THBS3: variants seen among roughly 807,000 people sequenced by gnomAD.
The protein encoded by THBS3 is thrombospondin 3.
Under a neutral mutation model 118.3 loss-of-function variants are expected in THBS3, and 78 were observed. That is an observed-to-expected ratio of 0.66 (90% CI 0.55 to 0.80). THBS3 has a LOEUF of 0.80. Ranked by LOEUF, THBS3 falls within the 30% of genes least tolerant of loss-of-function variation. The pLI, the probability that THBS3 is intolerant of heterozygous loss-of-function variation, is 0.00. For missense variants in THBS3, 1,057 were observed against 1,247.4 expected, an observed-to-expected ratio of 0.85 and a Z score of 2.30; for synonymous variants, 427 against 475.3, an observed-to-expected ratio of 0.90 and a Z score of 1.32.
At chr1:155,198,262 C>T (rs375034945) in intron 17 of THBS3, 42 bp from the exon 18 acceptor site, 1 of 1,608,310 alleles carries the variant, frequency 6.2e-7, no homozygotes, top group Non-Finnish European at 8.5e-7. Context: ...GCCCTGGCCA[C>T]TGCCATTAGG....
chr1:155,199,000 A>G (rs927695441), intron 16 of THBS3, among the ~76,000 whole-genome samples: 1 of 152,010 alleles, frequency 6.6e-6, no homozygotes, highest in African/African-American at 2.4e-5. Flanking sequence ...CGCGCCTGTA[A>G]TCCCAGCTAC....
Position 155,205,121 on chromosome 1 carries a change from G to A in THBS3, c.482C>T (p.Pro161Leu). 3 of 1,614,198 alleles carry A rather than the reference G, an allele frequency of 1.9e-6. No homozygotes were observed. The highest frequency in any genetic ancestry group is 2.5e-6 in the Non-Finnish European group (3 of 1,180,050). Residue 161 changes from proline (P) to leucine (L), a missense_variant, in exon 3 of 23, where the codon CCT becomes CTT. Physicochemically the swap from Pro to Leu is moderately conservative, Grantham distance 98. Around this residue, in one of 3 missense-constraint regions of THBS3, gnomAD observed 206 missense variants for 205.7 expected, o/e 1.00. Transcript: ENST00000368378. The stretch of plus-strand genomic sequence containing the variant: ...CTCCAGCCCATCGACCTCCGCTGGA[G>A]GAATGGGGGCCAGTGCTGGAAGGCC... The part of the protein sequence containing the change: ...HAGLPALAPI[P>L]PAEVDGLEIR...
chr1:155,202,991 G>A lies in THBS3; in HGVS notation c.809-31C>T. On this transcript the variant is annotated intron_variant, in intron 7 of 22. Transcript: ENST00000368378. This position sits in a 1 kb window ranked among gnomAD's most constrained non-coding sequence, Gnocchi z 5.5. ...GGGTGGACACAGTCAGAGCTACCCG[G>A]TGGTCACTATTTAAGCCACCAGAAG... 1.2e-6 allele frequency: 2 copies of A among 1,613,818 alleles called. No homozygotes were observed. The highest frequency in any genetic ancestry group is 1.3e-5 in the African/African-American group (1 of 75,030).
Position 155,206,008 on chromosome 1 carries a change from T to C in THBS3, c.286+192A>G, listed in dbSNP as rs148823194. ...TATCAGGACTCAAGCCTCACCCTAT[T>C]GTTTGGTACATGGGCTCCTAAAGCA... On this transcript the variant is annotated intron_variant, in intron 2 of 22. Coordinates refer to ENST00000368378, the MANE Select transcript of THBS3 (RefSeq NM_007112.5). The surrounding 1 kb of genome is among the most constrained non-coding windows in gnomAD (Gnocchi z 4.2). 6.7e-3 allele frequency among the ~76,000 whole-genome samples: 1,013 copies of C among 152,242 alleles called. 5 individuals carry two copies. Among genetic ancestry groups the C allele is most frequent in the African/African-American group, 0.023 (953 of 41,538 alleles).
rs150766484 is a variant in THBS3 at position 155,198,444 on chromosome 1, C to A, written c.2039G>T (p.Arg680Leu). Residue 680 changes from arginine to leucine, a missense_variant, in exon 17 of 23, where the codon CGC (arginine) becomes CTC (leucine). By Grantham distance (102) the Arg-to-Leu change is moderately radical (BLOSUM62 -2). Transcript: ENST00000368378. ...DYVPPGPDNC[R>L]LVPNPNQKDS... ...CTTCTGATTGGGATTGGGTACCAGG[C>A]GGCAGTTATCGGGACCAGGAGGCAC... 1.2e-6 allele frequency: 2 copies of A among 1,613,964 alleles called. No homozygotes were observed. The highest frequency in any genetic ancestry group is 8.5e-7 in the Non-Finnish European group (1 of 1,180,018).
chr1:155,197,139 C>G lies in THBS3; in HGVS notation c.2574G>C (p.Gln858His), dbSNP rs1291444221. The G allele has an allele frequency of 1.2e-6, 2 of 1,614,114 alleles. No homozygotes were observed. The highest frequency in any genetic ancestry group is 1.3e-5 in the African/African-American group (1 of 74,956). The stretch of plus-strand genomic sequence containing the variant: ...GTGGGTCTGTCCACAGCAGTCGTAC[C>G]TGATCAGGGGTGTGGCCAGTATGCC... The part of the protein sequence containing the change: ...ALWHTGHTPD[Q>H]VRLLWTDPRN... Residue 858 changes from glutamine to histidine, a missense_variant, in exon 21 of 23, where the codon CAG becomes CAC. Transcript: ENST00000368378. The surrounding 1 kb of genome is among the most constrained non-coding windows in gnomAD (Gnocchi z 5.0).
rs771057888 is a variant in THBS3, at chr1:155,200,074, T to C, written c.1748A>G (p.Asn583Ser). Reference sequence around the variant, plus strand: ...CTCATCCCTGTCTGTCTGTAGTGGGTTGGGGACTTTAGGGCAATTGTCCAA... The same window carrying C: ...CTCATCCCTGTCTGTCTGTAGTGGGCTGGGGACTTTAGGGCAATTGTCCAA... ...NGLDNCPKVP[N>S]PLQTDRDEDG... The change falls in exon 15 of 23, where the codon AAC becomes AGC. Residue 583 changes from asparagine (N) to serine (S), a missense_variant. Physicochemically the swap from Asn to Ser is conservative, Grantham distance 46. Around this residue, in one of 3 missense-constraint regions of THBS3, gnomAD observed 544 missense variants for 715.6 expected, o/e 0.76. Coordinates refer to ENST00000368378, the MANE Select transcript of THBS3 (RefSeq NM_007112.5). 2.5e-5 allele frequency: 40 copies of C among 1,595,034 alleles called. No homozygotes were observed. Among genetic ancestry groups the C allele is most frequent in the Non-Finnish European group, 3.2e-5 (37 of 1,170,682 alleles).
chr1:155,207,958 G>A, upstream of THBS3: 7 of 1,186,092 alleles, frequency 5.9e-6, no homozygotes, highest in Non-Finnish European at 8.0e-6. Flanking sequence ...GAGCCGGGGG[G>A]CGGAGGGACA....
At chr1:155,205,416 CT>C (rs1670408356) in intron 2 of THBS3, 100 bp from the exon 3 acceptor site, 12 of 1,479,140 alleles carry the variant, frequency 8.1e-6, no homozygotes, top group Non-Finnish European at 1.1e-5. Context: ...TCTAGGGCCC[CT>C]ATCCCTAATT....
intron 21 of THBS3, 105 bp from the exon 22 acceptor site, chr1:155,196,231 A>C: frequency 2.3e-5 from 31 of 1,342,264 alleles, no homozygotes; most frequent in East Asian, 7.0e-5. Flanking sequence ...CCTTGAGCTC[A>C]CCAGGCCTGA....
Position 155,198,577 on chromosome 1 carries a change from T to C in THBS3, c.1906A>G (p.Lys636Glu). 1 of 1,614,158 alleles carries C rather than the reference T, an allele frequency of 6.2e-7. No individual in the cohort carries two copies. Among genetic ancestry groups the C allele is most frequent in the Non-Finnish European group, 8.5e-7 (1 of 1,180,004 alleles). ...DSDGDGHQDTKDNCPQLPNSS... is the reference protein window; with the variant it reads ...DSDGDGHQDTEDNCPQLPNSS... ...TTTGGCAGCTGTGGGCAGTTGTCCTTGGTGTCCTGATGCCCATCCCCATCG... is the reference window on the plus strand; with the variant it reads ...TTTGGCAGCTGTGGGCAGTTGTCCTCGGTGTCCTGATGCCCATCCCCATCG... The change falls in exon 17 of 23, where the codon AAG becomes GAG. Residue 636 changes from lysine to glutamate, a missense_variant. Transcript: ENST00000368378.
In THBS3 at chr1:155,198,550, T is replaced by C; in HGVS notation, c.1933A>G (p.Ser645Gly). ...TCGTTATCAGAGTCCAGCTGGGAGC[T>C]ATTTGGCAGCTGTGGGCAGTTGTCC... is the stretch of plus-strand genomic sequence containing the variant. ...TKDNCPQLPN[S>G]SQLDSDNDGL... The change falls in exon 17 of 23, where the codon AGC (serine) becomes GGC (glycine). Residue 645 changes from serine (S) to glycine (G), a missense_variant. Transcript: ENST00000368378. 1 of 1,614,220 alleles carries C rather than the reference T, an allele frequency of 6.2e-7. No homozygotes were observed. The highest frequency in any genetic ancestry group is 1.7e-5 in the Admixed American group (1 of 60,024).
Position 155,206,126 on chromosome 1 carries a change from C to T in THBS3, c.286+74G>A, listed in dbSNP as rs1455579141. On this transcript the variant is annotated intron_variant, in intron 2 of 22. Transcript: ENST00000368378. This position sits in a 1 kb window ranked among gnomAD's most constrained non-coding sequence, Gnocchi z 4.2. The stretch of plus-strand genomic sequence containing the variant: ...GTGGAGGCCAAGGAGAATGAGGAAG[C>T]ACTTGGGAAGTAGGGATGAGGGAGA... 4.5e-6 allele frequency: 7 copies of T among 1,548,486 alleles called. No individual in the cohort carries two copies. Among genetic ancestry groups the T allele is most frequent in the Middle Eastern group, 2.3e-4 (1 of 4,374 alleles).
chr1:155,202,423 A>G lies in THBS3; in HGVS notation c.958-22T>C, dbSNP rs1669909933. On this transcript the variant is annotated intron_variant, in intron 8 of 22. Coordinates refer to ENST00000368378, the MANE Select transcript of THBS3 (RefSeq NM_007112.5). The surrounding 1 kb of genome is among the most constrained non-coding windows in gnomAD (Gnocchi z 5.5). ...CACACTGGGGACCAGATGAGAAGGC[A>G]GAGGTCAGGCCGCCCTCTGGGAAAC... 1 of 1,612,466 alleles carries G rather than the reference A, an allele frequency of 6.2e-7. No individual in the cohort carries two copies. Among genetic ancestry groups the G allele is most frequent in the African/African-American group, 1.3e-5 (1 of 75,010 alleles).
In THBS3 at chr1:155,206,612, C is replaced by T. The variant is rs908001741; in HGVS notation, c.80-206G>A. Among the ~76,000 whole-genome samples, 4 of 151,754 alleles carry T rather than the reference C, an allele frequency of 2.6e-5. No individual in the cohort carries two copies. The highest frequency in any genetic ancestry group is 2.9e-5 in the Non-Finnish European group (2 of 67,936). ...GGTGGATCGCCTAAGGTCAGGAGTTCGAGACCAGCCTGGCCAACACGGTGA... is the reference window on the plus strand; with the variant it reads ...GGTGGATCGCCTAAGGTCAGGAGTTTGAGACCAGCCTGGCCAACACGGTGA... On this transcript the variant is annotated intron_variant, in intron 1 of 22. Coordinates refer to ENST00000368378, the MANE Select transcript of THBS3 (RefSeq NM_007112.5). This position sits in a 1 kb window ranked among gnomAD's most constrained non-coding sequence, Gnocchi z 4.2.
chr1:155,201,778 C>T (rs1669766654), intron 10 of THBS3, 179 bp downstream of exon 10: 1 of 1,034,172 alleles, frequency 9.7e-7, no homozygotes. Context: ...GTTAAATAAC[C>T]TGCTAAAGAG....
At chr1:155,207,936 C>T (rs1670796206), upstream of THBS3, 3 of 1,551,690 alleles carry the variant, frequency 1.9e-6, no homozygotes, top group Admixed American at 1.7e-5. Flanking sequence ...AAAGGCTAGG[C>T]GGAGAGAGCA....
intron 4 of THBS3, 141 bp downstream of exon 4, chr1:155,204,714 T>C: frequency 1.3e-6 from 1 of 777,604 alleles, no homozygotes; most frequent in Non-Finnish European, 2.2e-6. Context: ...AGGTGAAAGA[T>C]TTGGAATAAC....
chr1:155,206,230 C>T lies in THBS3; in HGVS notation c.256G>A (p.Glu86Lys). 1.9e-6 allele frequency: 3 copies of T among 1,614,110 alleles called. No homozygotes were observed. The highest frequency in any genetic ancestry group is 2.5e-6 in the Non-Finnish European group (3 of 1,180,026). ...TTGATCTTGCCTACAACAGAGGCCTCCAGCCATCGAGTGTTGTCTTGGCGA... is the reference window on the plus strand; with the variant it reads ...TTGATCTTGCCTACAACAGAGGCCTTCAGCCATCGAGTGTTGTCTTGGCGA... Reference protein sequence around the residue: ...YSRQDNTRWLEASVVGKINKV... With the variant: ...YSRQDNTRWLKASVVGKINKV... Residue 86 changes from glutamate (E) to lysine (K), a missense_variant, in exon 2 of 23, where the codon GAG becomes AAG. This residue lies in a region of THBS3 where 206 missense variants were observed against 205.7 expected (regional missense o/e 1.00). Coordinates refer to ENST00000368378, the MANE Select transcript of THBS3 (RefSeq NM_007112.5). This position sits in a 1 kb window ranked among gnomAD's most constrained non-coding sequence, Gnocchi z 4.2.
Sources: allele counts gnomAD v4.1 joint callset (sites outside exome capture counted in the v4.1 genomes callset), GRCh38; gene constraint gnomAD v4.1.1; regional missense constraint gnomAD v4.1.1; non-coding constraint Gnocchi (gnomAD v3.1); transcripts MANE v1.5; gene names NCBI Gene and HGNC (gene_info 2026-07-23, HGNC 2026-07-21).